Variants in RSF1 observed in about 807,000 individuals in gnomAD.
RSF1 encodes remodeling and spacing factor 1.
RSF1 carries 13 observed loss-of-function variants against 145.2 expected under a neutral mutation model. The ratio of observed to expected loss-of-function variants is 0.09; its 90% CI spans 0.06 to 0.14. The LOEUF (loss-of-function observed/expected upper bound fraction) is 0.14. Ranked by LOEUF, RSF1 falls within the 10% of genes least tolerant of loss-of-function variation. The probability of loss-of-function intolerance (pLI) is 1.00; values close to 1 mark genes in which losing one functional copy is unlikely to be tolerated. For synonymous variants in RSF1, 577 were observed against 592.6 expected (o/e 0.97, Z 0.38); for missense variants, 1,517 against 1,718.2 (o/e 0.88, Z 2.07).
At position 77,665,866 on chromosome 11, in the gene RSF1, T is replaced by A. The variant is rs1232684909; in HGVS notation, c.*1051A>T. The A allele has an allele frequency of 6.6e-6, 1 of 152,194 alleles. No individual in the cohort carries two copies. Among genetic ancestry groups the A allele is most frequent in the East Asian group, 1.9e-4 (1 of 5,204 alleles). The allele number at this position is 152,194 out of a possible 1,614,324, so 9.4% of individuals were successfully genotyped here. ...TTTGTAGACTTCAATTTGAAGTAGATACTAAGGGCAAGAATAGACCAGTTA... is the reference window on the plus strand; with the variant it reads ...TTTGTAGACTTCAATTTGAAGTAGAAACTAAGGGCAAGAATAGACCAGTTA... On this transcript the variant is annotated 3_prime_UTR_variant, in exon 16 of 16. Transcript: ENST00000308488.
At chr11:77,704,812 G>A (rs192659701) in intron 5 of RSF1, among the ~76,000 whole-genome samples, 14 of 149,252 alleles carry the variant, frequency 9.4e-5, no homozygotes, top group Admixed American at 1.3e-4. Context: ...GAGTGCAATG[G>A]CATGATCTCA....
At chr11:77,728,334 T>C (rs1362079343) in intron 4 of RSF1, among the ~76,000 whole-genome samples, 1 of 152,216 alleles carries the variant, frequency 6.6e-6, no homozygotes, top group African/African-American at 2.4e-5. Context: ...AATAAAGTTC[T>C]GATTTATATT....
the RSF1 span, among the ~76,000 whole-genome samples, chr11:77,844,505 G>A: frequency 2.8e-4 from 42 of 152,170 alleles, no homozygotes; most frequent in African/African-American, 8.9e-4. Flanking sequence ...AAGGACCACA[G>A]GCATGCAATC....
At chr11:77,771,359 A>G (rs1948283662) in intron 1 of RSF1, among the ~76,000 whole-genome samples, 1 of 152,198 alleles carries the variant, frequency 6.6e-6, no homozygotes, top group Non-Finnish European at 1.5e-5. Context: ...CCGTAAAGAT[A>G]AGAAACAGCC....
At chr11:77,764,767 C>A (rs1948209319) in intron 1 of RSF1, 78 bp from the exon 2 acceptor site, 1 of 914,666 alleles carries the variant, frequency 1.1e-6, no homozygotes, top group East Asian at 2.6e-5. Flanking sequence ...AAAAAATAAT[C>A]TTCTCCAACC....
intron 1 of RSF1, among the ~76,000 whole-genome samples, chr11:77,786,264 T>C (rs992667473): frequency 1.3e-5 from 2 of 152,208 alleles, no homozygotes; most frequent in Non-Finnish European, 2.9e-5. Flanking sequence ...AGATTTAGTC[T>C]ACCAAACTGA....
At chr11:77,847,442 A>G in the RSF1 span, among the ~76,000 whole-genome samples, 1 of 152,228 alleles carries the variant, frequency 6.6e-6, no homozygotes, top group African/African-American at 2.4e-5. Context: ...TTCTTTGTTC[A>G]TGCCTTGGTT....
chr11:77,711,593 C>T (rs1471210223), intron 5 of RSF1, among the ~76,000 whole-genome samples: 2 of 152,108 alleles, frequency 1.3e-5, no homozygotes, highest in African/African-American at 4.8e-5. Flanking sequence ...TTGCTTGCAT[C>T]TGGGAGGTAG....
intron 1 of RSF1, among the ~76,000 whole-genome samples, chr11:77,778,250 G>GGAGGGGGAGTGGA (rs1948368108): frequency 1.2e-5 from 1 of 82,436 alleles, no homozygotes; most frequent in African/African-American, 4.8e-5. Context: ...GGGAGAGCAT[G>GGAGGGGGAGTGGA]GGGGAGGGAA....
chr11:77,796,906 A>C (rs1206144490), intron 1 of RSF1, among the ~76,000 whole-genome samples: 2 of 152,234 alleles, frequency 1.3e-5, no homozygotes, highest in Non-Finnish European at 2.9e-5. Flanking sequence ...ACTCCCATTC[A>C]AAATTGCTAC....
intron 5 of RSF1, among the ~76,000 whole-genome samples, chr11:77,704,120 T>G (rs972260741): frequency 6.6e-6 from 1 of 152,098 alleles, no homozygotes; most frequent in Non-Finnish European, 1.5e-5. Context: ...ATGGTGAAAC[T>G]CTGTCTCTAC....
In RSF1 at chr11:77,665,755, AACACACACACACACGCACACGCACAC is replaced by A. The variant is rs1399567730; in HGVS notation, c.*1136_*1161del. ...TATATCCAGGCAGATAGGAAATTCC[AACACACACACACACGCACACGCACAC>A]ACACAAACACACACACACGCTAAAA... On this transcript the variant is annotated 3_prime_UTR_variant, in exon 16 of 16. Coordinates refer to ENST00000308488, the MANE Select transcript of RSF1 (RefSeq NM_016578.4). The A allele has an allele frequency of 6.8e-6, 1 of 148,146 alleles. No individual in the cohort carries two copies. Among genetic ancestry groups the A allele is most frequent in the African/African-American group, 2.6e-5 (1 of 39,118 alleles). The allele number at this position is 148,146 out of a possible 1,614,324, so 9.2% of individuals were successfully genotyped here. A position where few individuals can be genotyped will look rare whatever the true frequency, so the allele number is the denominator to read the frequency against.
chr11:77,683,341 A>G (rs1959916050), intron 11 of RSF1, among the ~76,000 whole-genome samples: 1 of 152,126 alleles, frequency 6.6e-6, no homozygotes, highest in Non-Finnish European at 1.5e-5. Context: ...GAAATCTGAT[A>G]AAGTATGTTA....
chr11:77,747,830 G>A (rs1948017886), intron 2 of RSF1, among the ~76,000 whole-genome samples: 1 of 152,148 alleles, frequency 6.6e-6, no homozygotes, highest in South Asian at 2.1e-4. Flanking sequence ...AATGCAAATG[G>A]GTTCTATGAC....
chr11:77,868,560 T>G, the RSF1 span, among the ~76,000 whole-genome samples: 1 of 150,484 alleles, frequency 6.6e-6, no homozygotes. Flanking sequence ...GGTTTCGCCA[T>G]GTTGACCAGG....
At chr11:77,757,464 G>A (rs543605380) in intron 2 of RSF1, among the ~76,000 whole-genome samples, 29 of 152,280 alleles carry the variant, frequency 1.9e-4, no homozygotes, top group Non-Finnish European at 3.2e-4. Flanking sequence ...TGGATCACGA[G>A]GTCAGGAGAT....
chr11:77,702,025 G>A lies in RSF1; in HGVS notation c.1204C>T (p.Pro402Ser), dbSNP rs776249119. 20 of 1,613,718 alleles carry A rather than the reference G, an allele frequency of 1.2e-5. No individual in the cohort carries two copies. Among genetic ancestry groups the A allele is most frequent in the Non-Finnish European group, 1.6e-5 (19 of 1,179,918 alleles). Residue 402 changes from proline to serine, a missense_variant, in exon 6 of 16, where the codon CCT (proline) becomes TCT (serine). Around this residue, in one of 12 missense-constraint regions of RSF1, gnomAD observed 579 missense variants for 553.5 expected, o/e 1.05. Coordinates refer to ENST00000308488, the MANE Select transcript of RSF1 (RefSeq NM_016578.4). ...SDDFDSPVKG[P>S]LCKSVTPTKE... ...GTTGGAGTAACTGATTTACACAAAG[G>A]TCCCTTGACTGGACTGTCAAAATCA...
chr11:77,790,510 C>T (rs1434336175), intron 1 of RSF1, among the ~76,000 whole-genome samples: 1 of 152,102 alleles, frequency 6.6e-6, no homozygotes, highest in Admixed American at 6.5e-5. Flanking sequence ...CATGCCTTCC[C>T]AACAGTCCCC....
intron 1 of RSF1, among the ~76,000 whole-genome samples, chr11:77,772,587 C>G (rs750059337): frequency 2.0e-4 from 30 of 151,962 alleles, no homozygotes; most frequent in Non-Finnish European, 3.4e-4. Context: ...ACAAAAAGCA[C>G]TAGAAAGTCA....
Sources: allele counts gnomAD v4.1 joint callset (sites outside exome capture counted in the v4.1 genomes callset), GRCh38; gene constraint gnomAD v4.1.1; regional missense constraint gnomAD v4.1.1; transcripts MANE v1.5; gene names NCBI Gene and HGNC (gene_info 2026-07-23, HGNC 2026-07-21).